TMEM65: variants seen among roughly 807,000 people sequenced by gnomAD.
TMEM65 encodes transmembrane protein 65.
A neutral mutation model predicts 25.4 loss-of-function variants in TMEM65; 22 were observed. The observed-to-expected ratio is 0.86, with a 90% confidence interval of 0.62 to 1.23. The LOEUF (loss-of-function observed/expected upper bound fraction) is 1.23. Ranked by LOEUF, TMEM65 falls within the 50% of genes most tolerant of loss-of-function variation. The pLI, the probability that TMEM65 is intolerant of heterozygous loss-of-function variation, is 0.00. For synonymous variants in TMEM65, 132 were observed against 126.2 expected (o/e 1.05, Z -0.31); for missense variants, 262 against 308.2 (o/e 0.85, Z 1.12).
intron 2 of TMEM65, among the ~76,000 whole-genome samples, chr8:124,329,695 G>A (rs1045697333): frequency 2.0e-5 from 3 of 151,820 alleles, no homozygotes; most frequent in Admixed American, 6.6e-5. Context: ...AAATAAACAT[G>A]TACAGAGCAC....
intron 1 of TMEM65, among the ~76,000 whole-genome samples, chr8:124,366,078 A>G (rs912805208): frequency 2.0e-5 from 3 of 152,074 alleles, no homozygotes; most frequent in Admixed American, 1.3e-4. Context: ...AAAATTAGCC[A>G]AGTGTGGTGG....
chr8:124,366,897 T>A (rs1255505523), intron 1 of TMEM65, among the ~76,000 whole-genome samples: 1 of 152,178 alleles, frequency 6.6e-6, no homozygotes, highest in African/African-American at 2.4e-5. Flanking sequence ...CAAAGCTTCA[T>A]TTAACTGAGT....
chr8:124,327,313 T>C, intron 3 of TMEM65, 41 bp downstream of exon 3: 1 of 1,374,204 alleles, frequency 7.3e-7, no homozygotes, highest in Non-Finnish European at 1.0e-6. Context: ...ACCACATTAA[T>C]TTATGAACTC....
Position 124,313,756 on chromosome 8 carries a change from A to C in TMEM65, c.*204T>G. 2.0e-6 allele frequency: 1 copy of C among 509,704 alleles called. No individual in the cohort carries two copies. The highest frequency in any genetic ancestry group is 3.5e-6 in the Non-Finnish European group (1 of 288,264). 31.6% of individuals were successfully genotyped at this position (509,704 alleles called of 1,614,324 possible). On this transcript the variant is annotated 3_prime_UTR_variant, in exon 7 of 7. Coordinates refer to ENST00000297632, the MANE Select transcript of TMEM65 (RefSeq NM_194291.3). The stretch of plus-strand genomic sequence containing the variant: ...ATTGATGAAAAAGCATTTCAACAAT[A>C]TACACAAAATGATACTAAACAGCTT...
intron 1 of TMEM65, among the ~76,000 whole-genome samples, chr8:124,347,576 A>G (rs1454817712): frequency 6.6e-6 from 1 of 152,188 alleles, no homozygotes; most frequent in African/African-American, 2.4e-5. Context: ...TGTACCCCTA[A>G]AACTATTGAT....
intron 1 of TMEM65, among the ~76,000 whole-genome samples, chr8:124,346,249 C>G (rs1004787031): frequency 6.6e-6 from 1 of 152,140 alleles, no homozygotes; most frequent in African/African-American, 2.4e-5. Flanking sequence ...ATAGGGGAAA[C>G]CACCCCCATG....
chr8:124,343,890 G>A (rs1448591994), intron 1 of TMEM65, among the ~76,000 whole-genome samples: 1 of 152,178 alleles, frequency 6.6e-6, no homozygotes, highest in East Asian at 1.9e-4. Flanking sequence ...CCTATAGTGA[G>A]GGTTTTGCAG....
At chr8:124,333,006 T>C (rs2131205872) in intron 1 of TMEM65, among the ~76,000 whole-genome samples, 1 of 152,106 alleles carries the variant, frequency 6.6e-6, no homozygotes. Context: ...GGTTTCACCA[T>C]GTTGGCCAGG....
chr8:124,356,798 C>T (rs1814788002), intron 1 of TMEM65, among the ~76,000 whole-genome samples: 1 of 139,072 alleles, frequency 7.2e-6, no homozygotes, highest in African/African-American at 2.6e-5. Context: ...ACCTCTGCTT[C>T]CCAGGCTATA....
intron 1 of TMEM65, among the ~76,000 whole-genome samples, chr8:124,336,510 A>G (rs1356868636): frequency 6.6e-6 from 1 of 152,024 alleles, no homozygotes; most frequent in African/African-American, 2.4e-5. Context: ...TTCTCTGACT[A>G]TAATGGAATC....
At chr8:124,328,132 T>A (rs912563691) in intron 2 of TMEM65, among the ~76,000 whole-genome samples, 1 of 152,016 alleles carries the variant, frequency 6.6e-6, no homozygotes, top group South Asian at 2.1e-4. Flanking sequence ...ATTAGAAGTG[T>A]AACTAGGTCA....
chr8:124,315,802 G>T lies in TMEM65; in HGVS notation c.622-1741C>A, dbSNP rs117257710. ...TTTTCGTTATGCCAAAACTTTAAAA[G>T]GTATCATTCATGCAGAGTTTTAACA... On this transcript the variant is annotated intron_variant, in intron 6 of 6. Coordinates refer to ENST00000297632, the MANE Select transcript of TMEM65 (RefSeq NM_194291.3). Among the ~76,000 whole-genome samples the T allele has an allele frequency of 2.0e-4, 30 of 152,058 alleles. No individual in the cohort carries two copies. The East Asian group carries it at 5.8e-3, about 29-fold the overall frequency.
intron 1 of TMEM65, among the ~76,000 whole-genome samples, chr8:124,366,643 C>T (rs531093602): frequency 3.3e-5 from 5 of 151,798 alleles, no homozygotes; most frequent in African/African-American, 4.8e-5. Flanking sequence ...TGAAGTCACA[C>T]GTAACTCTGG....
chr8:124,337,806 T>C (rs1814530315), intron 1 of TMEM65, among the ~76,000 whole-genome samples: 1 of 152,052 alleles, frequency 6.6e-6, no homozygotes, highest in South Asian at 2.1e-4. Flanking sequence ...ATTGTTATAA[T>C]AGGGGTTTGA....
At chr8:124,317,954 T>C (rs1029427809) in intron 6 of TMEM65, among the ~76,000 whole-genome samples, 2 of 152,168 alleles carry the variant, frequency 1.3e-5, no homozygotes, top group Non-Finnish European at 2.9e-5. Context: ...AGAATTTTCT[T>C]GGGCCACACA....
At chr8:124,363,604 G>A (rs1814899338) in intron 1 of TMEM65, among the ~76,000 whole-genome samples, 3 of 151,984 alleles carry the variant, frequency 2.0e-5, no homozygotes, top group Admixed American at 1.3e-4. Flanking sequence ...TTGGGAGGCC[G>A]AGGCGGGCGG....
intron 1 of TMEM65, among the ~76,000 whole-genome samples, chr8:124,364,321 C>T (rs1814911140): frequency 6.6e-6 from 1 of 152,038 alleles, no homozygotes; most frequent in African/African-American, 2.4e-5. Context: ...ACCATAACTA[C>T]AAGGAATGAA....
At chr8:124,366,805 T>G (rs1314338733) in intron 1 of TMEM65, among the ~76,000 whole-genome samples, 1 of 152,174 alleles carries the variant, frequency 6.6e-6, no homozygotes, top group African/African-American at 2.4e-5. Context: ...ACCCCGTAAC[T>G]CTAAAGAACT....
chr8:124,334,667 G>A (rs756920512), intron 1 of TMEM65, among the ~76,000 whole-genome samples: 5 of 150,172 alleles, frequency 3.3e-5, no homozygotes, highest in Non-Finnish European at 7.4e-5. Context: ...AGGAGGCTGC[G>A]GCAGGAGAAT....
Sources: gnomAD v4.1 joint callset for allele counts (sites outside exome capture counted in the v4.1 genomes callset) on GRCh38, gnomAD v4.1.1 for gene constraint, MANE v1.5 for transcripts, NCBI Gene and HGNC (gene_info 2026-07-23, HGNC 2026-07-21) for gene names.